The following ABCG2 variants were observed in gnomAD, a reference collection of about 807,000 sequenced individuals.
ABCG2 encodes ATP binding cassette subfamily G member 2 (JR blood group), also known as broad substrate specificity ATP-binding cassette transporter ABCG2.
In ABCG2, 80 loss-of-function variants were observed where a neutral mutation model predicts 73.5. The observed-to-expected ratio is 1.09, with a 90% CI of 0.91 to 1.31. The LOEUF is 1.31. Among genes scored for constraint, ABCG2 ranks in the 50% most tolerant of loss-of-function variants. The pLI is 0.00. For missense variants in ABCG2, 796 were observed against 786.2 expected (o/e 1.01, Z -0.15); for synonymous variants, 269 against 282.4 (o/e 0.95, Z 0.48).
At chr4:88,159,324 G>A (rs1260415780), upstream of ABCG2, 4 of 408,184 alleles carry the variant, frequency 9.8e-6, no homozygotes, top group Non-Finnish European at 2.0e-5. Flanking sequence ...AGTTAAATGG[G>A]TGGTTTCTGG....
Position 88,113,374 on chromosome 4 carries a change from G to C in ABCG2, c.1123C>G (p.His375Asp), listed in dbSNP as rs755079433. 3 of 1,614,176 alleles carry C rather than the reference G, an allele frequency of 1.9e-6. No individual in the cohort carries two copies. In the Admixed American group the frequency reaches 5.0e-5, roughly 27 times the overall value. ...KEISYTTSFC[H>D]QLRWVSKRSF... Reference sequence around the variant, plus strand: ...CGCTTGGAAACCCATCTGAGTTGATGACAGAAGGAGGTGGTGTAGCTGATC... The same window carrying C: ...CGCTTGGAAACCCATCTGAGTTGATCACAGAAGGAGGTGGTGTAGCTGATC... Residue 375 changes from histidine to aspartate, a missense_variant, in exon 9 of 16, where the codon CAT becomes GAT. By Grantham distance (81) the His-to-Asp change is moderately conservative. Coordinates refer to ENST00000237612, the MANE Select transcript of ABCG2 (RefSeq NM_004827.3).
At chr4:88,154,554 C>T (rs1345418991) in intron 1 of ABCG2, among the ~76,000 whole-genome samples, 2 of 152,012 alleles carry the variant, frequency 1.3e-5, no homozygotes, top group Non-Finnish European at 2.9e-5. Flanking sequence ...TGGTGAGTGG[C>T]AATTAGGACT....
chr4:88,102,085 AC>A (rs1406999641), intron 10 of ABCG2, among the ~76,000 whole-genome samples: 1 of 152,108 alleles, frequency 6.6e-6, no homozygotes, highest in Non-Finnish European at 1.5e-5. Context: ...CCTTCAATCA[AC>A]CCCTTATTAT....
intron 2 of ABCG2, among the ~76,000 whole-genome samples, chr4:88,138,909 G>A (rs1017875858): frequency 6.6e-6 from 1 of 152,120 alleles, no homozygotes. Flanking sequence ...TTGGGAGGCT[G>A]AGGCGGGTGG....
At chr4:88,229,397 A>C (rs1253832134) in intron 1 of ABCG2, among the ~76,000 whole-genome samples, 1 of 152,172 alleles carries the variant, frequency 6.6e-6, no homozygotes, top group African/African-American at 2.4e-5. Context: ...CCAGCACTTT[A>C]GGAGGCCGAG....
intron 1 of ABCG2, chr4:88,226,683 C>A (rs1730226728): frequency 6.6e-6 from 1 of 152,356 alleles, no homozygotes; most frequent in African/African-American, 2.4e-5. Flanking sequence ...AATATTCAAA[C>A]CAAGGAATTC....
chr4:88,136,498 G>A (rs931847274), intron 2 of ABCG2, among the ~76,000 whole-genome samples: 6 of 152,280 alleles, frequency 3.9e-5, no homozygotes, highest in Middle Eastern at 3.4e-3. Flanking sequence ...TTGAGCCCAG[G>A]AGTTTGAGAT....
intron 5 of ABCG2, among the ~76,000 whole-genome samples, chr4:88,122,661 A>T (rs989912156): frequency 6.6e-6 from 1 of 152,204 alleles, no homozygotes; most frequent in African/African-American, 2.4e-5. Context: ...CAGCAGCCCC[A>T]GTCAGGGGTA....
intron 9 of ABCG2, among the ~76,000 whole-genome samples, chr4:88,112,625 C>T (rs1301340312): frequency 6.6e-6 from 1 of 152,110 alleles, no homozygotes; most frequent in East Asian, 1.9e-4. Context: ...ATCCCTAAAG[C>T]ACAGCACAGG....
intron 6 of ABCG2, among the ~76,000 whole-genome samples, chr4:88,118,676 T>C (rs1560680020): frequency 6.6e-6 from 1 of 152,230 alleles, no homozygotes; most frequent in East Asian, 1.9e-4. Flanking sequence ...TTCTGACTTA[T>C]CATTTAGGTC....
At chr4:88,172,152 G>A (rs953557897) in intron 1 of ABCG2, among the ~76,000 whole-genome samples, 12 of 150,690 alleles carry the variant, frequency 8.0e-5, no homozygotes, top group African/African-American at 2.2e-4. Flanking sequence ...AAAATGAGCT[G>A]GGCATGGTGG....
chr4:88,101,196 G>C (rs766791804), intron 11 of ABCG2, 34 bp downstream of exon 11: 7 of 1,594,734 alleles, frequency 4.4e-6, no homozygotes, highest in Non-Finnish European at 5.2e-6. Context: ...CCTGCTGCTG[G>C]ACAGCCCCGT....
rs752212395 is a variant in ABCG2, at chr4:88,118,139, G to A, written c.811C>T (p.Gln271Ter). The change falls in exon 7 of 16, where the codon CAG (glutamine) becomes TAG (stop). Residue 271 changes from glutamine (Q) to a stop codon, truncating the protein, a stop_gained. Coordinates refer to ENST00000237612, the MANE Select transcript of ABCG2 (RefSeq NM_004827.3). LOFTEE classifies it high-confidence loss of function. ...SGRLMFHGPA[Q>*]EALGYFESAG... ...GATTCAAAGTATCCCAAGGCCTCCT[G>A]AGCAGGCCCGTGGAACATAAGTCTT... 6.2e-7 allele frequency: 1 copy of A among 1,614,018 alleles called. No homozygotes were observed. The highest frequency in any genetic ancestry group is 8.5e-7 in the Non-Finnish European group (1 of 1,179,988).
chr4:88,132,013 T>C, intron 3 of ABCG2, 96 bp from the exon 4 acceptor site: 4 of 718,258 alleles, frequency 5.6e-6, no homozygotes, highest in Non-Finnish European at 9.0e-6. Context: ...ATATATCTCA[T>C]GGCTACTTTG....
At chr4:88,132,352 C>A (rs903418060) in intron 3 of ABCG2, among the ~76,000 whole-genome samples, 1 of 152,168 alleles carries the variant, frequency 6.6e-6, no homozygotes, top group African/African-American at 2.4e-5. Context: ...TCAACTGCTA[C>A]ATGTCAATCA....
intron 1 of ABCG2, among the ~76,000 whole-genome samples, chr4:88,196,135 C>G (rs62309282): frequency 6.6e-6 from 1 of 152,042 alleles, no homozygotes; most frequent in East Asian, 1.9e-4. Context: ...GGTTGGGGGT[C>G]GGGGACACTC....
At chr4:88,153,021 C>T (rs1398048221) in intron 1 of ABCG2, among the ~76,000 whole-genome samples, 1 of 151,952 alleles carries the variant, frequency 6.6e-6, no homozygotes, top group Non-Finnish European at 1.5e-5. Flanking sequence ...CGGAATAAGA[C>T]AAGGAGAAAA....
At position 88,177,724 on chromosome 4, in the gene ABCG2, G is replaced by A. The variant is rs914264081; in HGVS notation, c.-19-37710C>T. Among the ~76,000 whole-genome samples the A allele has an allele frequency of 4.6e-5, 7 of 152,272 alleles. No homozygotes were observed. In the East Asian group the frequency reaches 9.7e-4, roughly 21 times the overall value. On this transcript the variant is annotated intron_variant, in intron 1 of 15. Coordinates refer to the ABCG2 transcript ENST00000515655. ...ACACCACCCCTCCCCAATCTCTCTC[G>A]GCAGTGGCCACATACCATGGAGAGA...
chr4:88,174,991 T>G (rs1727899968), intron 1 of ABCG2, among the ~76,000 whole-genome samples: 2 of 152,192 alleles, frequency 1.3e-5, no homozygotes, highest in Admixed American at 1.3e-4. Context: ...AGGGAATCCC[T>G]CCCCATTGCT....
Sources: gnomAD v4.1 joint callset for allele counts (sites outside exome capture counted in the v4.1 genomes callset) on GRCh38, gnomAD v4.1.1 for gene constraint, MANE v1.5 for transcripts, NCBI Gene and HGNC (gene_info 2026-07-23, HGNC 2026-07-21) for gene names.